Variants in SEC16A observed in about 807,000 individuals in gnomAD.
SEC16A encodes SEC16 homolog A, endoplasmic reticulum export factor, also known as protein transport protein Sec16A.
A neutral mutation model predicts 221.9 loss-of-function variants in SEC16A; 110 were observed. The ratio of observed to expected loss-of-function variants is 0.50; its 90% CI spans 0.42 to 0.58. SEC16A has a LOEUF of 0.58. Ranked by LOEUF, SEC16A falls within the 20% of genes least tolerant of loss-of-function variation. The pLI, the probability that SEC16A is intolerant of heterozygous loss-of-function variation, is 0.00. For missense variants in SEC16A, 3,165 were observed against 3,097.8 expected (o/e 1.02, Z -0.52); for synonymous variants, 1,393 against 1,257.7 (o/e 1.11, Z -2.28).
In SEC16A at chr9:136,459,047, A is replaced by C; in HGVS notation, c.5409+87T>G. 1.1e-6 allele frequency: 1 copy of C among 883,514 alleles called. No individual in the cohort carries two copies. The allele number at this position is 883,514 out of a possible 1,614,324, so 54.7% of individuals were successfully genotyped here. On this transcript the variant is annotated intron_variant, in intron 17 of 31. Coordinates refer to ENST00000684901, the MANE Select transcript of SEC16A (RefSeq NM_014866.2). This position sits in a 1 kb window ranked among gnomAD's most constrained non-coding sequence, Gnocchi z 6.1. ...AACTCACATCATTTTTTTCGATACC[A>C]ATTCAAACAATCTAAGTAGCCAAAA...
chr9:136,483,415 CTCATCCTGT>C, upstream of SEC16A: 1 of 816,934 alleles, frequency 1.2e-6, no homozygotes, highest in Non-Finnish European at 1.5e-6. Flanking sequence ...CTTTCTCCGC[CTCATCCTGT>C]CGTTCCCGCC....
At chr9:136,483,573 C>T (rs563846026), upstream of SEC16A, 2 of 985,232 alleles carry the variant, frequency 2.0e-6, no homozygotes, top group Non-Finnish European at 2.4e-6. Flanking sequence ...AGTACGTCGC[C>T]CTGTTTACGC....
intron 5 of SEC16A, among the ~76,000 whole-genome samples, chr9:136,467,355 T>C (rs1238124298): frequency 6.6e-6 from 1 of 152,244 alleles, no homozygotes; most frequent in Non-Finnish European, 1.5e-5. Context: ...AAGATTTCTT[T>C]ATTAAGTCCT....
At chr9:136,451,489 G>A in intron 22 of SEC16A, 81 bp from the exon 23 acceptor site, 1 of 1,438,782 alleles carries the variant, frequency 7.0e-7, no homozygotes, top group Non-Finnish European at 9.3e-7. Flanking sequence ...AATTCCCCAG[G>A]CGTGTTTCCT....
At chr9:136,451,533 G>C in intron 22 of SEC16A, 125 bp from the exon 23 acceptor site, 1 of 1,131,824 alleles carries the variant, frequency 8.8e-7, no homozygotes, top group Non-Finnish European at 1.2e-6. Context: ...TGACTCTGGT[G>C]ACCAGAGGGA....
At chr9:136,455,288 C>G (rs1380812473) in intron 20 of SEC16A, among the ~76,000 whole-genome samples, 1 of 152,098 alleles carries the variant, frequency 6.6e-6, no homozygotes, top group African/African-American at 2.4e-5. Flanking sequence ...AGACACGGTG[C>G]GGCTGAGGCT....
intron 22 of SEC16A, among the ~76,000 whole-genome samples, chr9:136,451,689 T>C (rs1036025660): frequency 6.6e-6 from 1 of 152,076 alleles, no homozygotes; most frequent in Non-Finnish European, 1.5e-5. Flanking sequence ...GGGCGTTCGA[T>C]GGAGATTCCG....
chr9:136,451,324 G>A lies in SEC16A; in HGVS notation c.6244C>T (p.Leu2082Phe), dbSNP rs1380718509. 6.2e-7 allele frequency: 1 copy of A among 1,613,678 alleles called. No homozygotes were observed. Among genetic ancestry groups the A allele is most frequent in the African/African-American group, 1.3e-5 (1 of 74,936 alleles). ...CTCTTTGTTTCGGGAGCGGGTGAGA[G>A]AGACAGAGGTGGCTGCGTGGGACCC... ...DSGPTQPPLSLSPAPETKRPG... is the reference protein window; with the variant it reads ...DSGPTQPPLSFSPAPETKRPG... The change falls in exon 23 of 32, where the codon CTC (leucine) becomes TTC (phenylalanine). Residue 2082 changes from leucine (L) to phenylalanine (F), a missense_variant. Physicochemically the swap from Leu to Phe is conservative, Grantham distance 22. Coordinates refer to ENST00000684901, the MANE Select transcript of SEC16A (RefSeq NM_014866.2).
Position 136,454,120 on chromosome 9 carries a change from C to G in SEC16A, c.6065G>C (p.Ser2022Thr), listed in dbSNP as rs1053553428. Residue 2022 changes from serine (S) to threonine (T), a missense_variant, in exon 21 of 32, where the codon AGC (serine) becomes ACC (threonine). Transcript: ENST00000684901. ...ERRHLLQEARSPDPGIVPQEA... is the reference protein window; with the variant it reads ...ERRHLLQEARTPDPGIVPQEA... Reference sequence around the variant, plus strand: ...CTCTGCAGCCCCACCTGGGTCTGGGCTCCTGGCTTCCTGGAGCAAGTGTCT... The same window carrying G: ...CTCTGCAGCCCCACCTGGGTCTGGGGTCCTGGCTTCCTGGAGCAAGTGTCT... 3.2e-6 allele frequency: 5 copies of G among 1,551,240 alleles called. No individual in the cohort carries two copies. In the South Asian group the frequency reaches 4.8e-5, roughly 15 times the overall value.
chr9:136,483,798 G>A (rs1299584554), upstream of SEC16A: 2 of 985,328 alleles, frequency 2.0e-6, no homozygotes, highest in African/African-American at 1.7e-5. Context: ...GGCAGGCGGC[G>A]GCGGCCGCGC....
intron 13 of SEC16A, among the ~76,000 whole-genome samples, chr9:136,460,648 C>T (rs567944284): frequency 1.8e-4 from 27 of 151,080 alleles, no homozygotes; most frequent in East Asian, 9.7e-4. Flanking sequence ...TGGTGGCTCA[C>T]GCCTGTAATC....
chr9:136,483,283 C>T (rs1842653332), upstream of SEC16A, among the ~76,000 whole-genome samples: 1 of 124,976 alleles, frequency 8.0e-6, no homozygotes, highest in Non-Finnish European at 1.7e-5. Context: ...TTCTTTCGTC[C>T]CGCCCCCCGC....
At chr9:136,454,359 G>A (rs1314809394) in intron 20 of SEC16A, 32 bp from the exon 21 acceptor site, 1 of 1,541,256 alleles carries the variant, frequency 6.5e-7, no homozygotes, top group Non-Finnish European at 8.8e-7. Context: ...GAGGTCTGGG[G>A]TTACTGAGGG....
At chr9:136,453,544 G>A (rs1322186583) in intron 21 of SEC16A, 34 bp from the exon 22 acceptor site, 2 of 1,555,288 alleles carry the variant, frequency 1.3e-6, no homozygotes, top group Non-Finnish European at 8.9e-7. Flanking sequence ...TATGATCTCA[G>A]TCACGAGAAG....
chr9:136,471,378 G>A (rs1404568071), intron 4 of SEC16A, among the ~76,000 whole-genome samples: 2 of 152,182 alleles, frequency 1.3e-5, no homozygotes, highest in Non-Finnish European at 2.9e-5. Context: ...GGAGGTTGAA[G>A]TGGGAAGATT....
At position 136,440,269 on chromosome 9, in the gene SEC16A, G is replaced by C. The variant is rs1229243285; in HGVS notation, c.*1486C>G. ...CCGGAAGAGGTCCCAGGATTCACAC[G>C]AGCTGACCGAGGGACAGAGAGGGCT... On this transcript the variant is annotated 3_prime_UTR_variant, in exon 32 of 32. Transcript: ENST00000684901. 1 of 152,344 alleles carries C rather than the reference G, an allele frequency of 6.6e-6. No individual in the cohort carries two copies. The highest frequency in any genetic ancestry group is 1.5e-5 in the Non-Finnish European group (1 of 68,062). 9.4% of individuals were successfully genotyped at this position (152,344 alleles called of 1,614,324 possible).
chr9:136,461,073 A>G, intron 13 of SEC16A, 104 bp downstream of exon 13: 1 of 842,192 alleles, frequency 1.2e-6, no homozygotes, highest in East Asian at 2.7e-5. Context: ...AGCACAGCAC[A>G]GTCAAGTGAG....
intron 9 of SEC16A, among the ~76,000 whole-genome samples, chr9:136,464,015 C>T (rs1239235390): frequency 1.3e-5 from 2 of 152,254 alleles, no homozygotes; most frequent in Non-Finnish European, 2.9e-5. Context: ...CAGAAGCCTG[C>T]AGAAGCTGCA....
intron 1 of SEC16A, among the ~76,000 whole-genome samples, chr9:136,482,042 A>C (rs555035556): frequency 6.6e-6 from 1 of 152,362 alleles, no homozygotes; most frequent in Non-Finnish European, 1.5e-5. Context: ...CTTTAAGTAC[A>C]ATTTTGAGAC....
Sources: gnomAD v4.1 joint callset for allele counts (sites outside exome capture counted in the v4.1 genomes callset) on GRCh38, gnomAD v4.1.1 for gene constraint, Gnocchi (gnomAD v3.1) non-coding constraint, MANE v1.5 for transcripts, NCBI Gene and HGNC (gene_info 2026-07-23, HGNC 2026-07-21) for gene names.